SYNE2: variants seen among roughly 807,000 people sequenced by gnomAD.
SYNE2 encodes the protein spectrin repeat containing nuclear envelope protein 2.
Under a neutral mutation model 856.3 loss-of-function variants are expected in SYNE2, and 431 were observed. The ratio of observed to expected loss-of-function variants is 0.50; its 90% CI spans 0.47 to 0.55. The LOEUF is 0.55. SYNE2 is among the 20% of genes least tolerant of loss of function. The pLI, the probability that SYNE2 is intolerant of heterozygous loss-of-function variation, is 0.00. For missense variants in SYNE2, 8,129 were observed against 8,023.2 expected (o/e 1.01, Z -0.50); for synonymous variants, 2,923 against 2,872.3 (o/e 1.02, Z -0.56).
Position 63,779,439 on chromosome 14 carries a change from C to CAAA in SYNE2, c.-305+17468_-305+17470dup, listed in dbSNP as rs35015201. 3.1e-3 allele frequency among the ~76,000 whole-genome samples: 362 copies of CAAA among 118,262 alleles called. 5 individuals carry two copies. Among genetic ancestry groups the CAAA allele is most frequent in the Non-Finnish European group, 4.2e-3 (253 of 59,586 alleles). 77.6% of individuals were successfully genotyped at this position (118,262 alleles called of 152,430 possible). On this transcript the variant is annotated intron_variant, in intron 1 of 23. Transcript: ENST00000674003. ...TCTCACTACTGCGCTTGACTGGTCT[C>CAAA]AAAAAAAAAAAAAAAAAGCTAGAAA...
intron 1 of SYNE2, among the ~76,000 whole-genome samples, chr14:63,814,485 TTATATATATCCA>T (rs1198100606): frequency 2.8e-5 from 1 of 35,928 alleles, no homozygotes; most frequent in African/African-American, 7.3e-5. Flanking sequence ...ATATATATCC[TTATATATATCCA>T]TATATATAAT....
intron 1 of SYNE2, among the ~76,000 whole-genome samples, chr14:63,795,030 T>A (rs1484126441): frequency 6.6e-6 from 1 of 152,188 alleles, no homozygotes; most frequent in South Asian, 2.1e-4. Context: ...CTCAGCCTCC[T>A]GAGTAGCTAG....
intron 1 of SYNE2, among the ~76,000 whole-genome samples, chr14:63,768,590 A>G (rs979405016): frequency 6.6e-6 from 1 of 152,224 alleles, no homozygotes; most frequent in Non-Finnish European, 1.5e-5. Flanking sequence ...AAGAAAATCT[A>G]TAGCAATCAA....
intron 65 of SYNE2, among the ~76,000 whole-genome samples, chr14:64,109,989 A>C (rs967928711): frequency 6.6e-6 from 1 of 152,196 alleles, no homozygotes; most frequent in Non-Finnish European, 1.5e-5. Context: ...AAAATGTGAA[A>C]ATGTGAAATC....
At chr14:64,094,767 T>A (rs1030041970) in intron 61 of SYNE2, among the ~76,000 whole-genome samples, 8 of 152,200 alleles carry the variant, frequency 5.3e-5, no homozygotes, top group African/African-American at 7.2e-5. Context: ...GAGCTTTTGT[T>A]TATATGAATT....
chr14:63,996,189 C>T (rs1169292595), intron 23 of SYNE2, among the ~76,000 whole-genome samples: 1 of 152,206 alleles, frequency 6.6e-6, no homozygotes, highest in African/African-American at 2.4e-5. Context: ...CGCCCTTCCT[C>T]TCCTTCCTCC....
At chr14:63,930,122 C>CA (rs2095729413) in intron 2 of SYNE2, among the ~76,000 whole-genome samples, 1 of 151,796 alleles carries the variant, frequency 6.6e-6, no homozygotes, top group African/African-American at 2.4e-5. Context: ...CCTGTCTCTA[C>CA]AAAAAATGAA....
At chr14:63,978,257 T>C (rs2096559641) in intron 13 of SYNE2, among the ~76,000 whole-genome samples, 1 of 152,206 alleles carries the variant, frequency 6.6e-6, no homozygotes, top group Non-Finnish European at 1.5e-5. Flanking sequence ...AACTGAGCTC[T>C]GTATCTTGGT....
chr14:63,870,074 G>A (rs1237871435), intron 1 of SYNE2, among the ~76,000 whole-genome samples: 1 of 152,040 alleles, frequency 6.6e-6, no homozygotes, highest in Non-Finnish European at 1.5e-5. Context: ...CCAAACACCT[G>A]CTTTGGTTCC....
intron 95 of SYNE2, among the ~76,000 whole-genome samples, chr14:64,175,650 C>T (rs72720364): frequency 0.17 from 26,053 of 152,024 alleles, 2,424 homozygotes; most frequent in Middle Eastern, 0.25. Flanking sequence ...AACTACTGTG[C>T]TCTTTGAGTT....
chr14:64,134,128 A>G lies in SYNE2; in HGVS notation c.14574A>G (p.Ile4858Met), dbSNP rs568071525. The G allele has an allele frequency of 1.1e-4, 175 of 1,613,886 alleles. 1 individual carries two copies. Among genetic ancestry groups the G allele is most frequent in the Admixed American group, 2.5e-4 (15 of 60,008 alleles). Residue 4858 changes from isoleucine to methionine, a missense_variant, in exon 78 of 116, where the codon ATA becomes ATG. Ile to Met is a conservative substitution (Grantham distance 10). Transcript: ENST00000555002. ...TTGAAAAGGACCTGGAAATTCTTAT[A>G]TCTACATTGCCCTCTGTGAGTTTGG... ...ASLEKDLEIL[I>M]STLPSVSLVE...
At position 64,075,045 on chromosome 14, in the gene SYNE2, C is replaced by A. The variant is rs74455419; in HGVS notation, c.10867-900C>A. On this transcript the variant is annotated intron_variant, in intron 53 of 115. Transcript: ENST00000555002. ...CGGGATGACACTTACTTATTAAACCCCATCTTTGAATGGCATTGTTCTCTA... is the reference window on the plus strand; with the variant it reads ...CGGGATGACACTTACTTATTAAACCACATCTTTGAATGGCATTGTTCTCTA... Among the ~76,000 whole-genome samples, 831 of 152,260 alleles carry A rather than the reference C, an allele frequency of 5.5e-3. 10 individuals are homozygous for A. Among genetic ancestry groups the A allele is most frequent in the African/African-American group, 0.02 (811 of 41,548 alleles).
chr14:63,934,660 A>C (rs997683307), intron 2 of SYNE2, among the ~76,000 whole-genome samples: 1 of 151,146 alleles, frequency 6.6e-6, no homozygotes, highest in Non-Finnish European at 1.5e-5. Flanking sequence ...GCTGCATTTC[A>C]CCTCCTCTGA....
At chr14:63,791,482 CT>C (rs1887729395) in intron 1 of SYNE2, among the ~76,000 whole-genome samples, 1 of 152,078 alleles carries the variant, frequency 6.6e-6, no homozygotes, top group South Asian at 2.1e-4. Flanking sequence ...CATTTTATGC[CT>C]ATAAATATCT....
chr14:64,141,801 A>T, intron 81 of SYNE2, 141 bp from the exon 82 acceptor site: 1 of 1,157,854 alleles, frequency 8.6e-7, no homozygotes, highest in Non-Finnish European at 1.2e-6. Context: ...CTAAGTTTGA[A>T]TGCTGGGTTT....
intron 6 of SYNE2, among the ~76,000 whole-genome samples, chr14:63,946,152 C>A (rs945215852): frequency 2.0e-5 from 3 of 151,996 alleles, no homozygotes; most frequent in Admixed American, 1.3e-4. Context: ...CTGGGTGCAG[C>A]GGCTCATGGC....
chr14:63,922,800 G>A (rs1250722789), intron 2 of SYNE2, among the ~76,000 whole-genome samples: 1 of 152,174 alleles, frequency 6.6e-6, no homozygotes, highest in Non-Finnish European at 1.5e-5. Context: ...TGAGATATGT[G>A]AAGCCCTGAA....
chr14:64,023,099 A>T, intron 38 of SYNE2: 1 of 475,626 alleles, frequency 2.1e-6, no homozygotes, highest in Middle Eastern at 5.8e-4. Context: ...TCTACAAAAA[A>T]TACAAAAATT....
chr14:64,104,190 T>A lies in SYNE2; in HGVS notation c.12492+2148T>A, dbSNP rs1047376997. 4.6e-5 allele frequency among the ~76,000 whole-genome samples: 7 copies of A among 152,202 alleles called. No homozygotes were observed. The South Asian group carries it at 6.2e-4, about 14-fold the overall frequency. On this transcript the variant is annotated intron_variant, in intron 64 of 115. Transcript: ENST00000555002. ...GTAATCTTGTTTCAGCCTCTGGCTA[T>A]GCTTAAACTGCCATTGACTTCTGGA...
Sources: allele counts gnomAD v4.1 joint callset (sites outside exome capture counted in the v4.1 genomes callset), GRCh38; gene constraint gnomAD v4.1.1; transcripts MANE v1.5; gene names NCBI Gene and HGNC (gene_info 2026-07-23, HGNC 2026-07-21).